Variants in MFAP4 observed in about 807,000 individuals in gnomAD.
The protein encoded by MFAP4 is microfibril-associated glycoprotein 4.
Under a neutral mutation model 32.4 loss-of-function variants are expected in MFAP4, and 20 were observed. That is an observed-to-expected ratio of 0.62 (90% CI 0.43 to 0.90). The LOEUF is 0.90. Ranked by LOEUF, MFAP4 falls within the 40% of genes least tolerant of loss-of-function variation. The pLI is 0.00. For synonymous variants in MFAP4, 146 were observed against 137.4 expected (o/e 1.06, Z -0.44); for missense variants, 267 against 329.5 (o/e 0.81, Z 1.47).
chr17:19,384,056 C>G lies in MFAP4; in HGVS notation c.*406G>C. ...TCACACTGCACTGCTCAGCTTAGCA[C>G]ACTAGGGTGGCCCAGACAGGGGTCC... On this transcript the variant is annotated 3_prime_UTR_variant, in exon 6 of 6. Coordinates refer to ENST00000299610, the MANE Select transcript of MFAP4 (RefSeq NM_002404.3). 3.5e-6 allele frequency: 1 copy of G among 287,760 alleles called. No homozygotes were observed. Among genetic ancestry groups the G allele is most frequent in the Non-Finnish European group, 6.9e-6 (1 of 145,120 alleles). 17.8% of individuals were successfully genotyped at this position (287,760 alleles called of 1,614,324 possible).
rs1912933429 is a variant in MFAP4, at chr17:19,384,144, T to G, written c.*318A>C. 4 of 366,010 alleles carry G rather than the reference T, an allele frequency of 1.1e-5. No homozygotes were observed. The highest frequency in any genetic ancestry group is 2.1e-5 in the Non-Finnish European group (4 of 191,368). 22.7% of individuals were successfully genotyped at this position (366,010 alleles called of 1,614,324 possible). A position where few individuals can be genotyped will look rare whatever the true frequency, so the allele number is the denominator to read the frequency against. ...TGCAGCTGGGAGAGTGGCTCCTGGC[T>G]GTCAGCTGTTGGGACAGGTTGGAGG... On this transcript the variant is annotated 3_prime_UTR_variant, in exon 6 of 6. Coordinates refer to ENST00000299610, the MANE Select transcript of MFAP4 (RefSeq NM_002404.3).
Position 19,387,161 on chromosome 17 carries a change from C to T in MFAP4, c.-6G>A. 1.9e-6 allele frequency: 3 copies of T among 1,594,920 alleles called. No individual in the cohort carries two copies. Among genetic ancestry groups the T allele is most frequent in the Non-Finnish European group, 2.6e-6 (3 of 1,164,462 alleles). On this transcript the variant is annotated 5_prime_UTR_variant, in exon 1 of 6. Coordinates refer to ENST00000299610, the MANE Select transcript of MFAP4 (RefSeq NM_002404.3). ...CCTGGGCCCCGTACCTTCATGCTGT[C>T]AGTTCTGCTCAGAGTGGCTGGGTGT...
chr17:19,386,843 C>A lies in MFAP4; in HGVS notation c.7-5G>T. On this transcript the variant is annotated splice_region_variant and splice_polypyrimidine_tract_variant and intron_variant, in intron 1 of 5. Coordinates refer to ENST00000299610, the MANE Select transcript of MFAP4 (RefSeq NM_002404.3). ...CAGCGGCAGGGCCAGGAGTGCCTGG[C>A]GATGGGCAGACAGGGTCAGCACAGC... 6.4e-7 allele frequency: 1 copy of A among 1,557,570 alleles called. No individual in the cohort carries two copies. Among genetic ancestry groups the A allele is most frequent in the East Asian group, 2.4e-5 (1 of 41,470 alleles).
Position 19,385,414 on chromosome 17 carries a change from C to A in MFAP4, c.281G>T (p.Arg94Leu). ...KRFNGSVSFFRGWNDYKLGFG... is the reference protein window; with the variant it reads ...KRFNGSVSFFLGWNDYKLGFG... ...GCCCAGCTTGTAGTCATTCCAGCCG[C>A]GGAAGAAACTTACTGAGCCATTGAA... Residue 94 changes from arginine (R) to leucine (L), a missense_variant, in exon 4 of 6, where the codon CGC (arginine) becomes CTC (leucine). Physicochemically the swap from Arg to Leu is moderately radical, Grantham distance 102. This residue lies in a region of MFAP4 where 223 missense variants were observed against 253.3 expected (regional missense o/e 0.88). Coordinates refer to ENST00000299610, the MANE Select transcript of MFAP4 (RefSeq NM_002404.3). The A allele has an allele frequency of 6.2e-7, 1 of 1,614,194 alleles. No homozygotes were observed. The highest frequency in any genetic ancestry group is 1.1e-5 in the South Asian group (1 of 91,088).
chr17:19,385,187 G>A lies in MFAP4; in HGVS notation c.432C>T (p.Tyr144=), dbSNP rs755120055. ...CGTTCGGGGAGATGGAGAAGTCAGCGTACTTGGCATAGGCCGTGTTGTTCT... is the reference window on the plus strand; with the variant it reads ...CGTTCGGGGAGATGGAGAAGTCAGCATACTTGGCATAGGCCGTGTTGTTCT... The part of the protein sequence containing the change: ...DFENNTAYAK[Y]ADFSISPNAV... The change falls in exon 5 of 6, where the codon TAC becomes TAT. Residue 144 remains tyrosine (Y), a synonymous_variant. Coordinates refer to ENST00000299610, the MANE Select transcript of MFAP4 (RefSeq NM_002404.3). 2.7e-5 allele frequency: 44 copies of A among 1,614,182 alleles called. No homozygotes were observed. Among genetic ancestry groups the A allele is most frequent in the East Asian group, 2.7e-4 (12 of 44,902 alleles).
At position 19,385,410 on chromosome 17, in the gene MFAP4, G is replaced by A; in HGVS notation, c.285C>T (p.Gly95=). 1.2e-6 allele frequency: 2 copies of A among 1,614,262 alleles called. No homozygotes were observed. Among genetic ancestry groups the A allele is most frequent in the Non-Finnish European group, 1.7e-6 (2 of 1,180,038 alleles). ...RFNGSVSFFR[G]WNDYKLGFGR... ...CGAAGCCCAGCTTGTAGTCATTCCA[G>A]CCGCGGAAGAAACTTACTGAGCCAT... The change falls in exon 4 of 6, where the codon GGC becomes GGT. Residue 95 remains glycine, a synonymous_variant. Coordinates refer to ENST00000299610, the MANE Select transcript of MFAP4 (RefSeq NM_002404.3).
rs1912950330 is a variant in MFAP4, at chr17:19,384,554, G to C, written c.676C>G (p.His226Asp). The change falls in exon 6 of 6, where the codon CAC (histidine) becomes GAC (aspartate). Residue 226 changes from histidine to aspartate, a missense_variant. Around this residue, in one of 3 missense-constraint regions of MFAP4, gnomAD observed 25 missense variants for 57.5 expected, o/e 0.43. Coordinates refer to ENST00000299610, the MANE Select transcript of MFAP4 (RefSeq NM_002404.3). The part of the protein sequence containing the change: ...NLNGFYLGGS[H>D]LSYANGINWA... ...TTGATGCCATTGGCATAAGAGAGGTGGGAGCCACCTAGGTAGAAGCCATTG... is the reference window on the plus strand; with the variant it reads ...TTGATGCCATTGGCATAAGAGAGGTCGGAGCCACCTAGGTAGAAGCCATTG... 6.2e-7 allele frequency: 1 copy of C among 1,613,938 alleles called. No individual in the cohort carries two copies. The highest frequency in any genetic ancestry group is 8.5e-7 in the Non-Finnish European group (1 of 1,179,960).
At chr17:19,385,532 A>G in intron 3 of MFAP4, 78 bp from the exon 4 acceptor site, 1 of 1,040,384 alleles carries the variant, frequency 9.6e-7, no homozygotes, top group Non-Finnish European at 1.4e-6. Context: ...CACCTCAAGC[A>G]TGGACCCTGT....
rs186577300 is a variant in MFAP4 at position 19,385,472 on chromosome 17, A to G, written c.241-18T>C. 3 of 1,612,088 alleles carry G rather than the reference A, an allele frequency of 1.9e-6. No individual in the cohort carries two copies. Among genetic ancestry groups the G allele is most frequent in the Admixed American group, 3.3e-5 (2 of 60,022 alleles). On this transcript the variant is annotated intron_variant, in intron 3 of 5. Transcript: ENST00000299610. The stretch of plus-strand genomic sequence containing the variant: ...TGGAAAACCTGGAGCAGAGAAGATG[A>G]GACTGGATCATCAAGGGTCCAATGG...
At chr17:19,386,985 A>AACCCCCCC in intron 1 of MFAP4, 147 bp from the exon 2 acceptor site, 1 of 317,364 alleles carries the variant, frequency 3.2e-6, no homozygotes. Flanking sequence ...CTGCCCCCCC[A>AACCCCCCC]CCCCGCCCGC....
chr17:19,386,972 T>TGCCGGGGGGCCCCCCCCCCCCCC, intron 1 of MFAP4, 134 bp from the exon 2 acceptor site: 1 of 937,010 alleles, frequency 1.1e-6, no homozygotes, highest in Non-Finnish European at 1.7e-6. Context: ...TGGCCCCTCT[T>TGCCGGGGGGCCCCCCCCCCCCCC]CCCTGCCCCC....
intron 3 of MFAP4, 131 bp from the exon 4 acceptor site, chr17:19,385,585 GAGGGT>G: frequency 1.6e-6 from 1 of 611,410 alleles, no homozygotes; most frequent in Non-Finnish European, 2.9e-6. Context: ...TGGGGGTGGG[GAGGGT>G]GGTGGGAGTG....
rs371507002 is a variant in MFAP4, at chr17:19,386,260, A to G, written c.240+50T>C. The stretch of plus-strand genomic sequence containing the variant: ...TCGCATATGTGAAGCCCAGGGTCAC[A>G]GGGCTGGGATTAGAACCAGCTCTGG... On this transcript the variant is annotated intron_variant, in intron 3 of 5. Transcript: ENST00000299610. The G allele has an allele frequency of 1.6e-5, 23 of 1,466,934 alleles. 1 individual carries two copies. The African/African-American group carries it at 2.4e-4, about 15-fold the overall frequency. 90.9% of individuals were successfully genotyped at this position (1,466,934 alleles called of 1,614,324 possible).
rs1485747154 is a variant in MFAP4, at chr17:19,384,331, A to G, written c.*131T>C. The G allele has an allele frequency of 1.8e-6, 2 of 1,141,596 alleles. No homozygotes were observed. The highest frequency in any genetic ancestry group is 3.1e-5 in the African/African-American group (2 of 64,156). The allele number at this position is 1,141,596 out of a possible 1,614,324, so 70.7% of individuals were successfully genotyped here. A position where few individuals can be genotyped will look rare whatever the true frequency, so the allele number is the denominator to read the frequency against. Reference sequence around the variant, plus strand: ...GTGACAGGGATGTGGCATGGCTGAGAGCCACAAGGCCCCCTTGTAAGGAGT... The same window carrying G: ...GTGACAGGGATGTGGCATGGCTGAGGGCCACAAGGCCCCCTTGTAAGGAGT... On this transcript the variant is annotated 3_prime_UTR_variant, in exon 6 of 6. Transcript: ENST00000299610.
At chr17:19,386,977 G>GGGGGGCCC in intron 1 of MFAP4, 139 bp from the exon 2 acceptor site, 1 of 689,460 alleles carries the variant, frequency 1.5e-6, no homozygotes, top group South Asian at 1.8e-5. Context: ...CCTCTTCCCT[G>GGGGGGCCC]CCCCCCCACC....
chr17:19,386,431 T>G lies in MFAP4; in HGVS notation c.119A>C (p.Asp40Ala), dbSNP rs1913037429. The change falls in exon 3 of 6, where the codon GAC becomes GCC. Residue 40 changes from aspartate (D) to alanine (A), a missense_variant. Physicochemically the swap from Asp to Ala is moderately radical, Grantham distance 126 (BLOSUM62 -2). Coordinates refer to ENST00000299610, the MANE Select transcript of MFAP4 (RefSeq NM_002404.3). ...LERFCLQQPLDCDDIYAQGYQ... is the reference protein window; with the variant it reads ...LERFCLQQPLACDDIYAQGYQ... ...GCCCTGGGCATAGATGTCGTCACAG[T>G]CCAGGGGTTGCTGAAGGCAAAACCT... The G allele has an allele frequency of 1.5e-5, 24 of 1,613,684 alleles. No individual in the cohort carries two copies. The highest frequency in any genetic ancestry group is 1.9e-5 in the Non-Finnish European group (23 of 1,179,892).
chr17:19,387,037 T>C (rs1250512375), intron 1 of MFAP4, 113 bp downstream of exon 1: 1 of 1,354,882 alleles, frequency 7.4e-7, no homozygotes, highest in African/African-American at 1.7e-5. Context: ...CCCTCATAGC[T>C]TACGAGTTTC....
In MFAP4 at chr17:19,383,472, T is replaced by G; in HGVS notation, c.*990A>C. ...TTCAGTATTATATTTTTATTATTAT[T>G]ATGTTATTATTACACTGTCTTTTTG... On this transcript the variant is annotated 3_prime_UTR_variant, in exon 6 of 6. Transcript: ENST00000299610. 2.8e-6 allele frequency: 1 copy of G among 353,586 alleles called. No homozygotes were observed. Among genetic ancestry groups the G allele is most frequent in the South Asian group, 9.1e-5 (1 of 10,968 alleles). The allele number at this position is 353,586 out of a possible 1,614,324, so 21.9% of individuals were successfully genotyped here.
At chr17:19,386,928 A>T in intron 1 of MFAP4, 90 bp from the exon 2 acceptor site, 17 of 1,441,742 alleles carry the variant, frequency 1.2e-5, no homozygotes, top group Non-Finnish European at 1.6e-5. Context: ...ATGCATGCAC[A>T]TACTGCCCTT....
Sources: gnomAD v4.1 joint callset for allele counts on GRCh38, gnomAD v4.1.1 for gene constraint, gnomAD v4.1.1 regional missense constraint, MANE v1.5 for transcripts, NCBI Gene and HGNC (gene_info 2026-07-23, HGNC 2026-07-21) for gene names.